Variants in CNTN5 observed in about 807,000 individuals in gnomAD.
CNTN5 encodes the protein contactin-5.
Under a neutral mutation model 129.1 loss-of-function variants are expected in CNTN5, and 77 were observed. That is an observed-to-expected ratio of 0.60 (90% CI 0.50 to 0.72). CNTN5 has a LOEUF of 0.72. Among genes scored for constraint, CNTN5 ranks in the 30% least tolerant of loss-of-function variants. The pLI, the probability that CNTN5 is intolerant of heterozygous loss-of-function variation, is 0.00. For missense variants in CNTN5, 1,478 were observed against 1,328.8 expected (o/e 1.11, Z -1.75); for synonymous variants, 509 against 465.6 (o/e 1.09, Z -1.20).
intron 11 of CNTN5, 116 bp downstream of exon 11, chr11:100,070,676 A>G: frequency 1.2e-6 from 1 of 854,396 alleles, no homozygotes; most frequent in Non-Finnish European, 1.8e-6. Context: ...TTCGTATAAT[A>G]GGACATGTTT....
rs550323433 is a variant in CNTN5, at chr11:99,702,383, A to G, written c.56-117161A>G. Among the ~76,000 whole-genome samples, 33 of 150,984 alleles carry G rather than the reference A, an allele frequency of 2.2e-4. 1 individual carries two copies. Among genetic ancestry groups the G allele is most frequent in the Middle Eastern group, 6.8e-3 (2 of 292 alleles). On this transcript the variant is annotated intron_variant, in intron 3 of 24. Transcript: ENST00000524871. ...TTTGTAGCTCACTTTCCCATTTTCA[A>G]CCTATTGGCAATAAAATATCAGGTG...
intron 3 of CNTN5, among the ~76,000 whole-genome samples, chr11:99,735,007 CAA>C (rs1206618491): frequency 6.6e-6 from 1 of 151,604 alleles, no homozygotes; most frequent in African/African-American, 2.4e-5. Context: ...GACTCCGTCT[CAA>C]AACAAAAACA....
intron 3 of CNTN5, among the ~76,000 whole-genome samples, chr11:99,744,607 C>A (rs1190286563): frequency 2.3e-5 from 3 of 132,864 alleles, no homozygotes; most frequent in African/African-American, 8.4e-5. Flanking sequence ...GCAGTTCCAG[C>A]TACTCAGGGG....
intron 3 of CNTN5, among the ~76,000 whole-genome samples, chr11:99,811,257 T>A (rs1293331238): frequency 2.0e-5 from 3 of 151,902 alleles, no homozygotes; most frequent in African/African-American, 7.2e-5. Context: ...TAAACATACC[T>A]CTCATATTTA....
chr11:99,579,779 G>A (rs1216551980), intron 3 of CNTN5, among the ~76,000 whole-genome samples: 3 of 150,210 alleles, frequency 2.0e-5, no homozygotes, highest in Non-Finnish European at 4.4e-5. Context: ...TCTGCAAACA[G>A]GGACAATTTG....
At chr11:99,835,222 T>C (rs1188454973) in intron 4 of CNTN5, among the ~76,000 whole-genome samples, 1 of 152,142 alleles carries the variant, frequency 6.6e-6, no homozygotes, top group African/African-American at 2.4e-5. Context: ...TCAAAAAGGG[T>C]ATGAAGAGAT....
rs547040143 is a variant in CNTN5 at position 99,674,025 on chromosome 11, A to G, written c.55+117756A>G. On this transcript the variant is annotated intron_variant, in intron 3 of 24. Transcript: ENST00000524871. ...ATTTCTGTCTTTAGGTCTTTGAGGAATCCCCACACTGTTTTCCACAATGGT... is the reference window on the plus strand; with the variant it reads ...ATTTCTGTCTTTAGGTCTTTGAGGAGTCCCCACACTGTTTTCCACAATGGT... Among the ~76,000 whole-genome samples, 3 of 152,240 alleles carry G rather than the reference A, an allele frequency of 2.0e-5. No homozygotes were observed. In the East Asian group the frequency reaches 5.8e-4, roughly 29 times the overall value.
At chr11:99,452,361 T>A (rs1591082400) in intron 2 of CNTN5, among the ~76,000 whole-genome samples, 2 of 141,738 alleles carry the variant, frequency 1.4e-5, no homozygotes, top group South Asian at 2.3e-4. Flanking sequence ...AGTTTATATC[T>A]AAACACAGGT....
chr11:99,187,623 T>C (rs1858420627), intron 1 of CNTN5, among the ~76,000 whole-genome samples: 1 of 151,878 alleles, frequency 6.6e-6, no homozygotes, highest in African/African-American at 2.4e-5. Context: ...CTACCAAAAA[T>C]GGTTTCAAAT....
intron 3 of CNTN5, among the ~76,000 whole-genome samples, chr11:99,614,625 C>A (rs949198636): frequency 6.6e-6 from 1 of 152,186 alleles, no homozygotes; most frequent in African/African-American, 2.4e-5. Context: ...TCTCCCAGTT[C>A]TCTGGGCTTT....
chr11:99,974,525 C>G (rs1483801974), intron 8 of CNTN5, among the ~76,000 whole-genome samples: 3 of 152,138 alleles, frequency 2.0e-5, no homozygotes, highest in Non-Finnish European at 4.4e-5. Flanking sequence ...AGTATTAGTT[C>G]CTGCCCAGTT....
intron 1 of CNTN5, among the ~76,000 whole-genome samples, chr11:99,304,282 A>T (rs1015170509): frequency 6.6e-6 from 1 of 152,144 alleles, no homozygotes; most frequent in African/African-American, 2.4e-5. Flanking sequence ...ACTTTACCTT[A>T]AACAGTCTCA....
chr11:99,675,034 G>GTTTTGT (rs1953214590), intron 3 of CNTN5, among the ~76,000 whole-genome samples: 1 of 151,668 alleles, frequency 6.6e-6, no homozygotes. Flanking sequence ...GTTTTGTTTT[G>GTTTTGT]TTTTGTTTTG....
At chr11:99,310,191 A>G (rs897606044) in intron 1 of CNTN5, among the ~76,000 whole-genome samples, 1 of 152,196 alleles carries the variant, frequency 6.6e-6, no homozygotes, top group African/African-American at 2.4e-5. Flanking sequence ...GCACATATTT[A>G]TATCTACAGA....
chr11:99,944,341 G>A (rs1950509388), intron 7 of CNTN5, among the ~76,000 whole-genome samples: 1 of 151,862 alleles, frequency 6.6e-6, no homozygotes, highest in Non-Finnish European at 1.5e-5. Flanking sequence ...CAGAACTGAA[G>A]GAGATAGTTA....
At chr11:99,839,092 T>G (rs1947395497) in intron 4 of CNTN5, among the ~76,000 whole-genome samples, 1 of 151,998 alleles carries the variant, frequency 6.6e-6, no homozygotes, top group South Asian at 2.1e-4. Context: ...TTACTTTATA[T>G]CATTATTTTG....
At chr11:99,209,689 A>G (rs1318398370) in intron 1 of CNTN5, among the ~76,000 whole-genome samples, 1 of 152,178 alleles carries the variant, frequency 6.6e-6, no homozygotes, top group Non-Finnish European at 1.5e-5. Context: ...TCTACGATTA[A>G]TATCATGAAT....
At chr11:99,154,337 C>T (rs111989166) in intron 1 of CNTN5, among the ~76,000 whole-genome samples, 5,014 of 152,242 alleles carry the variant, frequency 0.033, 119 homozygotes, top group South Asian at 0.066. Flanking sequence ...CCAGTTGTTG[C>T]GGGGCTGCTG....
chr11:99,559,511 T>A (rs1948772604), intron 3 of CNTN5, among the ~76,000 whole-genome samples: 1 of 152,064 alleles, frequency 6.6e-6, no homozygotes, highest in African/African-American at 2.4e-5. Flanking sequence ...GCTACAGATA[T>A]CAAAATGGCT....
Sources: gnomAD v4.1 joint callset for allele counts (sites outside exome capture counted in the v4.1 genomes callset) on GRCh38, gnomAD v4.1.1 for gene constraint, MANE v1.5 for transcripts, NCBI Gene and HGNC (gene_info 2026-07-23, HGNC 2026-07-21) for gene names.